Variants in LRBA observed in about 807,000 individuals in gnomAD.
The protein encoded by LRBA is lipopolysaccharide-responsive and beige-like anchor protein.
LRBA carries 176 observed loss-of-function variants against 330.0 expected under a neutral mutation model. That is an observed-to-expected ratio of 0.53 (90% confidence interval 0.47 to 0.60). LRBA has a LOEUF of 0.60. Ranked by LOEUF, LRBA falls within the 20% of genes least tolerant of loss-of-function variation. The pLI is 0.00. For missense variants in LRBA, 3,259 were observed against 3,444.8 expected (o/e 0.95, Z 1.35); for synonymous variants, 1,230 against 1,193.0 (o/e 1.03, Z -0.64).
intron 46 of LRBA, among the ~76,000 whole-genome samples, chr4:150,433,392 A>T (rs1171318982): frequency 6.6e-6 from 1 of 152,198 alleles, no homozygotes; most frequent in African/African-American, 2.4e-5. Flanking sequence ...AATCACTAGC[A>T]TCTATCATAT....
intron 2 of LRBA, among the ~76,000 whole-genome samples, chr4:151,008,788 C>T (rs1466374282): frequency 7.3e-5 from 11 of 150,488 alleles, no homozygotes; most frequent in African/African-American, 2.5e-4. Flanking sequence ...GTCTAGCCAA[C>T]GTGGTGAAAC....
intron 52 of LRBA, among the ~76,000 whole-genome samples, chr4:150,307,625 TC>T (rs1293632890): frequency 6.6e-6 from 1 of 150,668 alleles, no homozygotes; most frequent in African/African-American, 2.4e-5. Context: ...GTGCCTGTGG[TC>T]CCAGCTACTT....
chr4:150,627,076 C>G (rs1005693510), intron 37 of LRBA, among the ~76,000 whole-genome samples: 1 of 151,968 alleles, frequency 6.6e-6, no homozygotes, highest in Non-Finnish European at 1.5e-5. Context: ...TTATGCTCAA[C>G]ATCTCATATT....
chr4:150,491,013 A>G lies in LRBA; in HGVS notation c.6353T>C (p.Leu2118Pro). The G allele has an allele frequency of 6.2e-7, 1 of 1,604,588 alleles. No homozygotes were observed. The highest frequency in any genetic ancestry group is 8.5e-7 in the Non-Finnish European group (1 of 1,173,402). ...CTCTGTGAACAGCCATTTTCCATGC[A>G]GCCCTTCTGTATATGCCAAGATCTA... ...DPKILAYTEG[L>P]HGKWLFTEIR... Residue 2118 changes from leucine (L) to proline (P), a missense_variant, in exon 41 of 57, where the codon CTG becomes CCG. By Grantham distance (98) the Leu-to-Pro change is moderately conservative (BLOSUM62 -3). Transcript: ENST00000651943.
At chr4:150,806,945 C>T (rs1419899667) in intron 32 of LRBA, among the ~76,000 whole-genome samples, 1 of 151,622 alleles carries the variant, frequency 6.6e-6, no homozygotes, top group Non-Finnish European at 1.5e-5. Flanking sequence ...ACTTTATAGG[C>T]ACATTATAAC....
intron 22 of LRBA, among the ~76,000 whole-genome samples, chr4:150,861,117 A>C (rs1203731507): frequency 6.6e-6 from 1 of 152,192 alleles, no homozygotes; most frequent in African/African-American, 2.4e-5. Flanking sequence ...TTTTAACAAA[A>C]GACTGAGTCT....
At chr4:150,751,007 C>T (rs1183074195) in intron 35 of LRBA, among the ~76,000 whole-genome samples, 1 of 151,644 alleles carries the variant, frequency 6.6e-6, no homozygotes, top group Non-Finnish European at 1.5e-5. Context: ...GGCTATACCC[C>T]ATCATTATTT....
At chr4:150,969,541 C>G (rs1739289184) in intron 2 of LRBA, among the ~76,000 whole-genome samples, 1 of 152,206 alleles carries the variant, frequency 6.6e-6, no homozygotes, top group Non-Finnish European at 1.5e-5. Context: ...AATCACAACT[C>G]ACTATAGCCT....
At chr4:150,897,666 C>A in intron 15 of LRBA, 73 bp downstream of exon 15, 4 of 1,063,050 alleles carry the variant, frequency 3.8e-6, no homozygotes, top group South Asian at 2.9e-5. Flanking sequence ...AATAAAAAAA[C>A]CAAGATTGTA....
At chr4:150,598,926 G>T in intron 38 of LRBA, 81 bp downstream of exon 38, 1 of 1,535,666 alleles carries the variant, frequency 6.5e-7, no homozygotes, top group Non-Finnish European at 8.9e-7. Context: ...ATTTTACAGT[G>T]CCTTGTAATA....
chr4:150,928,396 A>G lies in LRBA; in HGVS notation c.549+120T>C, dbSNP rs186010879. ...GCCACAGGGATCTCAATGCTATTTT[A>G]ATTAATCTATTCAATTTGACAATTA... On this transcript the variant is annotated intron_variant, in intron 4 of 56. Coordinates refer to ENST00000651943, the MANE Select transcript of LRBA (RefSeq NM_001364905.1). The G allele has an allele frequency of 2.4e-4, 152 of 639,248 alleles. 2 individuals are homozygous for G. In the East Asian group the frequency reaches 4.1e-3, roughly 17 times the overall value. 39.6% of individuals were successfully genotyped at this position (639,248 alleles called of 1,614,324 possible). A position where few individuals can be genotyped will look rare whatever the true frequency, so the allele number is the denominator to read the frequency against.
intron 9 of LRBA, among the ~76,000 whole-genome samples, chr4:150,910,382 G>T (rs1336330939): frequency 6.6e-6 from 1 of 151,522 alleles, no homozygotes; most frequent in Non-Finnish European, 1.5e-5. Context: ...CTTATTTTTC[G>T]CATCTGGATA....
At chr4:150,654,131 A>G (rs1779957339) in intron 37 of LRBA, among the ~76,000 whole-genome samples, 2 of 152,194 alleles carry the variant, frequency 1.3e-5, no homozygotes, top group Non-Finnish European at 2.9e-5. Flanking sequence ...TCTATTTTAT[A>G]ATTATATATT....
At chr4:150,795,177 G>A (rs573472149) in intron 34 of LRBA, among the ~76,000 whole-genome samples, 4 of 152,196 alleles carry the variant, frequency 2.6e-5, no homozygotes, top group Admixed American at 1.3e-4. Flanking sequence ...GCAACGTCAA[G>A]TCTTTCAAAA....
chr4:150,349,877 C>A, intron 48 of LRBA, 115 bp downstream of exon 48: 1 of 861,576 alleles, frequency 1.2e-6, no homozygotes, highest in Non-Finnish European at 1.8e-6. Flanking sequence ...AGGCACTTTA[C>A]ATCTAGTTTC....
At position 150,264,685 on chromosome 4, in the gene LRBA, T is replaced by G. The variant is rs1261598688; in HGVS notation, c.*1037A>C. The G allele has an allele frequency of 2.0e-5, 3 of 152,686 alleles. No homozygotes were observed. The highest frequency in any genetic ancestry group is 4.4e-5 in the Non-Finnish European group (3 of 68,046). 9.5% of individuals were successfully genotyped at this position (152,686 alleles called of 1,614,324 possible). On this transcript the variant is annotated 3_prime_UTR_variant, in exon 57 of 57. Transcript: ENST00000651943. ...TCACAACATACAAAGAATTTATTTA[T>G]GCAATACAGGCCTTTTCTCAAATAT...
chr4:151,008,659 A>G (rs1744410315), intron 2 of LRBA, among the ~76,000 whole-genome samples: 2 of 151,894 alleles, frequency 1.3e-5, no homozygotes, highest in Non-Finnish European at 2.9e-5. Context: ...AGTCAACTGC[A>G]TATCTCAATG....
chr4:150,973,316 C>T (rs1739784473), intron 2 of LRBA, among the ~76,000 whole-genome samples: 1 of 152,010 alleles, frequency 6.6e-6, no homozygotes, highest in Admixed American at 6.6e-5. Flanking sequence ...TACAGGCATG[C>T]GCCACCACGC....
chr4:150,683,065 G>C (rs1015834278), intron 37 of LRBA, among the ~76,000 whole-genome samples: 1 of 151,768 alleles, frequency 6.6e-6, no homozygotes, highest in Non-Finnish European at 1.5e-5. Flanking sequence ...TCACAGTCCT[G>C]AAATTTGCAA....
Sources: allele counts gnomAD v4.1 joint callset (sites outside exome capture counted in the v4.1 genomes callset), GRCh38; gene constraint gnomAD v4.1.1; transcripts MANE v1.5; gene names NCBI Gene and HGNC (gene_info 2026-07-23, HGNC 2026-07-21).